Variants in CYP7B1 observed in about 807,000 individuals in gnomAD.
The protein encoded by CYP7B1 is cytochrome P450 7B1.
CYP7B1 carries 29 observed loss-of-function variants against 42.7 expected under a neutral mutation model. The ratio of observed to expected loss-of-function variants is 0.68; its 90% CI spans 0.51 to 0.93. CYP7B1 has a LOEUF of 0.93. CYP7B1 is among the 40% of genes least tolerant of loss of function. CYP7B1 has a pLI of 0.00. For missense variants in CYP7B1, 655 were observed against 600.5 expected, an observed-to-expected ratio of 1.09 and a Z score of -0.95; for synonymous variants, 235 against 218.2, an observed-to-expected ratio of 1.08 and a Z score of -0.68.
At chr8:64,784,451 C>A (rs747279279) in intron 1 of CYP7B1, among the ~76,000 whole-genome samples, 7 of 152,116 alleles carry the variant, frequency 4.6e-5, no homozygotes, top group Non-Finnish European at 1.0e-4. Flanking sequence ...ACTAGAGCCT[C>A]AATGGCCTTT....
At chr8:64,729,350 A>G (rs4737199) in intron 1 of CYP7B1, among the ~76,000 whole-genome samples, 35,431 of 152,138 alleles carry the variant, frequency 0.23, 4,627 homozygotes, top group African/African-American at 0.34. Flanking sequence ...ACATTCATGC[A>G]CACACAATCT....
At chr8:64,685,219 G>A (rs1806604977) in intron 1 of CYP7B1, among the ~76,000 whole-genome samples, 1 of 150,898 alleles carries the variant, frequency 6.6e-6, no homozygotes, top group African/African-American at 2.4e-5. Flanking sequence ...CGGGGCCCGA[G>A]GGCAAGGAGC....
intron 1 of CYP7B1, among the ~76,000 whole-genome samples, chr8:64,724,871 C>T (rs1445272304): frequency 6.6e-6 from 1 of 152,158 alleles, no homozygotes; most frequent in East Asian, 1.9e-4. Context: ...CCCTTTTCCC[C>T]AAAGACAGAC....
intron 1 of CYP7B1, among the ~76,000 whole-genome samples, chr8:64,684,360 T>C (rs1806587275): frequency 6.6e-6 from 1 of 152,212 alleles, no homozygotes; most frequent in African/African-American, 2.4e-5. Context: ...ATCTATAAAC[T>C]GAGAGCGATA....
intron 1 of CYP7B1, among the ~76,000 whole-genome samples, chr8:64,668,283 C>T (rs938627787): frequency 2.0e-5 from 3 of 152,046 alleles, no homozygotes; most frequent in East Asian, 1.9e-4. Flanking sequence ...TATATCTTAG[C>T]GACCATCTAT....
At chr8:64,670,948 T>G in intron 1 of CYP7B1, among the ~76,000 whole-genome samples, 1 of 152,236 alleles carries the variant, frequency 6.6e-6, no homozygotes, top group African/African-American at 2.4e-5. Flanking sequence ...GTGGCTTAAT[T>G]ATTTCCTTGT....
At position 64,591,731 on chromosome 8, in the gene CYP7B1, G is replaced by C. The variant is rs529798567; in HGVS notation, c.*4911C>G. Among the ~76,000 whole-genome samples, 5 of 152,154 alleles carry C rather than the reference G, an allele frequency of 3.3e-5. No individual in the cohort carries two copies. The highest frequency in any genetic ancestry group is 7.4e-5 in the Non-Finnish European group (5 of 68,018). ...GCAGATAAAAGTTTTCTTCTAGGTT[G>C]CTTATAAGCATGCCTGATTTAGTGA... On this transcript the variant is annotated 3_prime_UTR_variant, in exon 6 of 6. Coordinates refer to ENST00000310193, the MANE Select transcript of CYP7B1 (RefSeq NM_004820.5).
intron 4 of CYP7B1, among the ~76,000 whole-genome samples, chr8:64,613,872 C>G (rs1167564442): frequency 6.6e-6 from 1 of 152,074 alleles, no homozygotes; most frequent in Non-Finnish European, 1.5e-5. Flanking sequence ...TCAATGGCCA[C>G]TGAGGGTGAA....
intron 1 of CYP7B1, among the ~76,000 whole-genome samples, chr8:64,667,985 A>G (rs928652931): frequency 6.6e-6 from 1 of 152,202 alleles, no homozygotes. Context: ...CTCTGAACTT[A>G]AATGCTACAG....
intron 1 of CYP7B1, among the ~76,000 whole-genome samples, chr8:64,739,613 C>T (rs1308892640): frequency 1.3e-5 from 2 of 152,152 alleles, no homozygotes; most frequent in Non-Finnish European, 2.9e-5. Context: ...CATTAGAATA[C>T]TAGAAGAAAA....
chr8:64,724,704 G>C (rs1807295940), intron 1 of CYP7B1, among the ~76,000 whole-genome samples: 1 of 152,110 alleles, frequency 6.6e-6, no homozygotes. Flanking sequence ...AAAGTATGAT[G>C]CTTTGGTGTG....
chr8:64,654,081 G>T (rs1230568071), intron 1 of CYP7B1, among the ~76,000 whole-genome samples: 1 of 152,124 alleles, frequency 6.6e-6, no homozygotes, highest in African/African-American at 2.4e-5. Flanking sequence ...ATAGGCAAAA[G>T]CTGGAACCAT....
chr8:64,741,550 C>T (rs1807568353), intron 1 of CYP7B1, among the ~76,000 whole-genome samples: 1 of 152,116 alleles, frequency 6.6e-6, no homozygotes, highest in East Asian at 1.9e-4. Flanking sequence ...AACTCCTGAC[C>T]TCAGGTGATC....
intron 1 of CYP7B1, among the ~76,000 whole-genome samples, chr8:64,742,668 C>G: frequency 6.6e-6 from 1 of 152,128 alleles, no homozygotes; most frequent in Non-Finnish European, 1.5e-5. Context: ...TGACTTCTTC[C>G]AAGACCTGGC....
intron 1 of CYP7B1, among the ~76,000 whole-genome samples, chr8:64,716,912 T>C (rs1396707587): frequency 6.6e-6 from 1 of 152,036 alleles, no homozygotes; most frequent in Non-Finnish European, 1.5e-5. Context: ...GAGGGAGGAG[T>C]GCTACACTAT....
At chr8:64,664,605 GAC>G (rs1436445894) in intron 1 of CYP7B1, among the ~76,000 whole-genome samples, 1 of 152,154 alleles carries the variant, frequency 6.6e-6, no homozygotes, top group Non-Finnish European at 1.5e-5. Flanking sequence ...CTGCAGGCTT[GAC>G]GATCTCTAAA....
At chr8:64,728,207 A>C (rs1807351349) in intron 1 of CYP7B1, 1 of 152,230 alleles carries the variant, frequency 6.6e-6, no homozygotes, top group South Asian at 2.1e-4. Context: ...GGATTTGGAG[A>C]GTTTAATTAT....
In CYP7B1 at chr8:64,594,321, G is replaced by A. The variant is rs911521805; in HGVS notation, c.*2321C>T. Among the ~76,000 whole-genome samples the A allele has an allele frequency of 6.6e-6, 1 of 152,130 alleles. No individual in the cohort carries two copies. Among genetic ancestry groups the A allele is most frequent in the Admixed American group, 6.5e-5 (1 of 15,274 alleles). ...GCACATTATGGATTGCTGTGCAGCA[G>A]TTAGAAGCAATAGATTAAATATAGT... On this transcript the variant is annotated 3_prime_UTR_variant, in exon 6 of 6. Coordinates refer to ENST00000310193, the MANE Select transcript of CYP7B1 (RefSeq NM_004820.5).
At chr8:64,682,596 C>T (rs1001268836) in intron 1 of CYP7B1, among the ~76,000 whole-genome samples, 3 of 152,200 alleles carry the variant, frequency 2.0e-5, no homozygotes, top group African/African-American at 7.2e-5. Context: ...TTGGCTGATG[C>T]TTCTCAGTTC....
Sources: allele counts gnomAD v4.1 joint callset (sites outside exome capture counted in the v4.1 genomes callset), GRCh38; gene constraint gnomAD v4.1.1; transcripts MANE v1.5; gene names NCBI Gene and HGNC (gene_info 2026-07-23, HGNC 2026-07-21).